The following ADAMTS18 variants were observed in gnomAD, a reference collection of about 807,000 sequenced individuals.
ADAMTS18 encodes A disintegrin and metalloproteinase with thrombospondin motifs 18.
In ADAMTS18, 157 loss-of-function variants were observed where a neutral mutation model predicts 165.9. The observed-to-expected ratio is 0.95, with a 90% confidence interval of 0.83 to 1.08. The LOEUF (loss-of-function observed/expected upper bound fraction) is 1.08. ADAMTS18 is among the 50% of genes least tolerant of loss of function. The pLI, the probability that ADAMTS18 is intolerant of heterozygous loss-of-function variation, is 0.00. For missense variants in ADAMTS18, 2,040 were observed against 1,534.0 expected (o/e 1.33, Z -5.51); for synonymous variants, 782 against 578.2 (o/e 1.35, Z -5.06).
At chr16:77,366,222 A>G (rs953724523) in intron 4 of ADAMTS18, among the ~76,000 whole-genome samples, 1 of 152,242 alleles carries the variant, frequency 6.6e-6, no homozygotes, top group Non-Finnish European at 1.5e-5. Flanking sequence ...ACTGAGCCAC[A>G]GAAGAATTTA....
intron 13 of ADAMTS18, 117 bp from the exon 14 acceptor site, chr16:77,322,583 ATG>A (rs2056022929): frequency 3.8e-6 from 5 of 1,317,162 alleles, no homozygotes; most frequent in South Asian, 3.7e-5. Flanking sequence ...AATATGGAAA[ATG>A]TGTGTGTTTG....
intron 7 of ADAMTS18, 54 bp downstream of exon 7, chr16:77,362,051 C>G (rs1909802): frequency 0.57 from 903,788 of 1,595,958 alleles, 261,745 homozygotes; most frequent in Non-Finnish European, 0.59. Context: ...TAGAAAGTTT[C>G]CATACTGTGT....
At chr16:77,432,559 T>C (rs1015801758) in intron 2 of ADAMTS18, 5 of 152,154 alleles carry the variant, frequency 3.3e-5, no homozygotes, top group African/African-American at 1.2e-4. Flanking sequence ...TCCCACAAAA[T>C]GATTTGGAAT....
intron 13 of ADAMTS18, 104 bp downstream of exon 13, chr16:77,325,762 T>C: frequency 1.6e-6 from 2 of 1,228,712 alleles, no homozygotes; most frequent in Middle Eastern, 2.2e-4. Flanking sequence ...GAGTGAAAGG[T>C]AAACATTCAA....
At chr16:77,370,746 G>A (rs1025779200) in intron 3 of ADAMTS18, among the ~76,000 whole-genome samples, 5 of 151,122 alleles carry the variant, frequency 3.3e-5, no homozygotes, top group Non-Finnish European at 2.9e-5. Context: ...GCAAAACTCT[G>A]TCTCAAAAAA....
intron 10 of ADAMTS18, among the ~76,000 whole-genome samples, chr16:77,348,268 C>A (rs142960693): frequency 6.6e-6 from 1 of 152,262 alleles, no homozygotes; most frequent in African/African-American, 2.4e-5. Flanking sequence ...AAATGGAAAT[C>A]TAGATAATAA....
At chr16:77,368,258 G>C (rs2056827344) in intron 3 of ADAMTS18, among the ~76,000 whole-genome samples, 1 of 152,062 alleles carries the variant, frequency 6.6e-6, no homozygotes, top group South Asian at 2.1e-4. Context: ...TTCAGAGGCA[G>C]GGCTCACAAC....
At chr16:77,335,131 C>A (rs1008944495) in intron 12 of ADAMTS18, among the ~76,000 whole-genome samples, 15 of 149,266 alleles carry the variant, frequency 1.0e-4, no homozygotes, top group Non-Finnish European at 1.8e-4. Context: ...TACTATGAAT[C>A]CTATTTAATA....
intron 3 of ADAMTS18, among the ~76,000 whole-genome samples, chr16:77,411,840 C>T (rs1441253562): frequency 6.6e-6 from 1 of 151,778 alleles, no homozygotes; most frequent in Admixed American, 6.6e-5. Context: ...GTGCCCACCA[C>T]CAAGCCCAGC....
At chr16:77,339,150 C>G (rs553501181) in intron 11 of ADAMTS18, among the ~76,000 whole-genome samples, 1 of 151,078 alleles carries the variant, frequency 6.6e-6, no homozygotes, top group Non-Finnish European at 1.5e-5. Flanking sequence ...ACAAGTAAAA[C>G]CAGGGCACTG....
intron 10 of ADAMTS18, among the ~76,000 whole-genome samples, chr16:77,344,297 G>T (rs531575215): frequency 6.6e-6 from 1 of 151,858 alleles, no homozygotes; most frequent in Non-Finnish European, 1.5e-5. Context: ...ATGTGGGCAC[G>T]TGTACCATTC....
intron 14 of ADAMTS18, 111 bp downstream of exon 14, chr16:77,322,225 G>T: frequency 7.9e-7 from 1 of 1,263,918 alleles, no homozygotes. Context: ...TTCGCTCCAT[G>T]CCACCTGCTC....
chr16:77,405,401 T>C (rs554189338), intron 3 of ADAMTS18, among the ~76,000 whole-genome samples: 196 of 152,312 alleles, frequency 1.3e-3, no homozygotes, highest in African/African-American at 4.3e-3. Context: ...GACAGATTTA[T>C]TGTAATGCTT....
At chr16:77,416,559 C>T (rs1178947486) in intron 3 of ADAMTS18, among the ~76,000 whole-genome samples, 1 of 152,158 alleles carries the variant, frequency 6.6e-6, no homozygotes, top group Non-Finnish European at 1.5e-5. Flanking sequence ...TTGCCTGCCA[C>T]CATGTAAGAT....
At chr16:77,313,569 C>T (rs536002421) in intron 16 of ADAMTS18, among the ~76,000 whole-genome samples, 3 of 151,140 alleles carry the variant, frequency 2.0e-5, no homozygotes, top group Non-Finnish European at 4.4e-5. Context: ...ACTGGAGAGA[C>T]GAACAACAGA....
chr16:77,370,814 C>G (rs1222713411), intron 3 of ADAMTS18, among the ~76,000 whole-genome samples: 5 of 144,132 alleles, frequency 3.5e-5, no homozygotes, highest in Admixed American at 1.4e-4. Context: ...TATACATATA[C>G]ACACACACAC....
At chr16:77,399,727 A>G (rs982435023) in intron 3 of ADAMTS18, among the ~76,000 whole-genome samples, 2 of 152,158 alleles carry the variant, frequency 1.3e-5, no homozygotes, top group African/African-American at 4.8e-5. Flanking sequence ...AGCATTCAAA[A>G]CATGTCAATA....
rs1348651345 is a variant in ADAMTS18 at position 77,282,658 on chromosome 16, T to C, written c.*1298A>G. On this transcript the variant is annotated 3_prime_UTR_variant, in exon 23 of 23. Transcript: ENST00000282849. ...GTAGAATTTATGTAAATATGCCCTTTATAACCACTTCTCAAAAAATTACAG... is the reference window on the plus strand; with the variant it reads ...GTAGAATTTATGTAAATATGCCCTTCATAACCACTTCTCAAAAAATTACAG... 1 of 152,610 alleles carries C rather than the reference T, an allele frequency of 6.6e-6. No individual in the cohort carries two copies. Among genetic ancestry groups the C allele is most frequent in the Non-Finnish European group, 1.5e-5 (1 of 68,046 alleles). 9.5% of individuals were successfully genotyped at this position (152,610 alleles called of 1,614,324 possible). A position where few individuals can be genotyped will look rare whatever the true frequency, so the allele number is the denominator to read the frequency against.
In ADAMTS18 at chr16:77,364,303, G is replaced by A. The variant is rs2056760189; in HGVS notation, c.857C>T (p.Ala286Val). The A allele has an allele frequency of 6.2e-7, 1 of 1,613,904 alleles. No individual in the cohort carries two copies. Among genetic ancestry groups the A allele is most frequent in the South Asian group, 1.1e-5 (1 of 91,070 alleles). ...ATTGAGGCCCTTTTGTGATTTTCCA[G>A]CTGATCTTCTGGGTCGCCCAGAGCT... ...YGSSGRPRRS[A>V]GKSQKGLNVE... Residue 286 changes from alanine (A) to valine (V), a missense_variant, in exon 5 of 23, where the codon GCT (alanine) becomes GTT (valine). Coordinates refer to ENST00000282849, the MANE Select transcript of ADAMTS18 (RefSeq NM_199355.4).
Sources: gnomAD v4.1 joint callset for allele counts (sites outside exome capture counted in the v4.1 genomes callset) on GRCh38, gnomAD v4.1.1 for gene constraint, MANE v1.5 for transcripts, NCBI Gene and HGNC (gene_info 2026-07-23, HGNC 2026-07-21) for gene names.